The following ZNF804B variants were observed in gnomAD, a reference collection of about 807,000 sequenced individuals.
ZNF804B encodes zinc finger 804B.
A neutral mutation model predicts 101.4 loss-of-function variants in ZNF804B; 80 were observed. That is an observed-to-expected ratio of 0.79 (90% confidence interval 0.66 to 0.95). The LOEUF (loss-of-function observed/expected upper bound fraction) is 0.95, where lower values mean the gene tolerates loss of function less well. Among genes scored for constraint, ZNF804B ranks in the 40% least tolerant of loss-of-function variants. The pLI is 0.00. For missense variants in ZNF804B, 1,673 were observed against 1,561.9 expected (o/e 1.07, Z -1.20); for synonymous variants, 622 against 558.8 (o/e 1.11, Z -1.59).
chr7:89,261,716 T>G (rs1204240416), intron 2 of ZNF804B, among the ~76,000 whole-genome samples: 1 of 152,212 alleles, frequency 6.6e-6, no homozygotes, highest in Non-Finnish European at 1.5e-5. Flanking sequence ...CACTGAATAT[T>G]GCAGGCAATT....
chr7:89,265,308 G>GCGCGTGCGCA (rs1309965876), intron 2 of ZNF804B, among the ~76,000 whole-genome samples: 2 of 143,668 alleles, frequency 1.4e-5, no homozygotes, highest in South Asian at 2.2e-4. Flanking sequence ...GTGCGCGCGC[G>GCGCGTGCGCA]CACACATGCA....
In ZNF804B at chr7:89,334,093, A is replaced by C; in HGVS notation, c.1111A>C (p.Asn371His). ...CQANASFSPP[N>H]IYNHSDARIS... ...AGCAAATGCTTCCTTCAGCCCACCA[A>C]ACATTTACAACCATAGTGATGCCAG... Residue 371 changes from asparagine to histidine, a missense_variant, in exon 4 of 4, where the codon AAC (asparagine) becomes CAC (histidine). Transcript: ENST00000333190. 1 of 1,613,718 alleles carries C rather than the reference A, an allele frequency of 6.2e-7. No individual in the cohort carries two copies. Among genetic ancestry groups the C allele is most frequent in the South Asian group, 1.1e-5 (1 of 91,074 alleles).
intron 1 of ZNF804B, among the ~76,000 whole-genome samples, chr7:89,170,805 G>A (rs919233367): frequency 1.6e-4 from 25 of 152,202 alleles, no homozygotes; most frequent in African/African-American, 6.0e-4. Flanking sequence ...GCCACCACCA[G>A]CAGCACACTG....
rs186032134 is a variant in ZNF804B, at chr7:89,173,184, C to A, written c.109-44971C>A. Among the ~76,000 whole-genome samples, 261 of 152,146 alleles carry A rather than the reference C, an allele frequency of 1.7e-3. 4 individuals carry two copies. Among genetic ancestry groups the A allele is most frequent in the African/African-American group, 5.9e-3 (246 of 41,542 alleles). On this transcript the variant is annotated intron_variant, in intron 1 of 3. Coordinates refer to ENST00000333190, the MANE Select transcript of ZNF804B (RefSeq NM_181646.5). ...CTATGTGAAACATGTGTCTGGCTCTCCTTATAAAGTTAGATTCAACATTAT... is the reference window on the plus strand; with the variant it reads ...CTATGTGAAACATGTGTCTGGCTCTACTTATAAAGTTAGATTCAACATTAT...
At chr7:89,061,478 C>T (rs955332544) in intron 1 of ZNF804B, among the ~76,000 whole-genome samples, 3 of 151,944 alleles carry the variant, frequency 2.0e-5, no homozygotes, top group Non-Finnish European at 2.9e-5. Flanking sequence ...ATTTCAACTA[C>T]CACCTACGCA....
At chr7:89,216,910 G>C (rs2115693501) in intron 1 of ZNF804B, among the ~76,000 whole-genome samples, 1 of 152,250 alleles carries the variant, frequency 6.6e-6, no homozygotes, top group African/African-American at 2.4e-5. Context: ...ATATTTACTT[G>C]GTATTCTCAA....
chr7:89,128,446 A>T (rs931373258), intron 1 of ZNF804B, among the ~76,000 whole-genome samples: 1 of 152,012 alleles, frequency 6.6e-6, no homozygotes, highest in Non-Finnish European at 1.5e-5. Flanking sequence ...TTTGAAAAGT[A>T]TGTGAGAATG....
chr7:89,300,556 G>A (rs943603513), intron 2 of ZNF804B, among the ~76,000 whole-genome samples: 1 of 151,840 alleles, frequency 6.6e-6, no homozygotes, highest in Admixed American at 6.6e-5. Context: ...AATATGAGTG[G>A]TCTAGAAAGG....
At chr7:89,252,269 A>T (rs1789553690) in intron 2 of ZNF804B, among the ~76,000 whole-genome samples, 1 of 152,216 alleles carries the variant, frequency 6.6e-6, no homozygotes, top group Non-Finnish European at 1.5e-5. Flanking sequence ...AATTCCCAAA[A>T]GAAGATTTAT....
chr7:89,327,707 A>G (rs1790917480), intron 3 of ZNF804B, among the ~76,000 whole-genome samples: 1 of 152,048 alleles, frequency 6.6e-6, no homozygotes, highest in Admixed American at 6.6e-5. Flanking sequence ...GAATGATTCA[A>G]ATACATTAGC....
intron 1 of ZNF804B, among the ~76,000 whole-genome samples, chr7:89,015,737 T>C (rs1430133029): frequency 1.3e-5 from 2 of 152,176 alleles, no homozygotes; most frequent in Non-Finnish European, 2.9e-5. Flanking sequence ...AGTCTATCAT[T>C]GTTGGACATT....
intron 2 of ZNF804B, among the ~76,000 whole-genome samples, chr7:89,220,999 A>C (rs1394878233): frequency 6.6e-6 from 1 of 151,882 alleles, no homozygotes; most frequent in Non-Finnish European, 1.5e-5. Context: ...CATGGCAAGA[A>C]TATATTAGAG....
chr7:89,124,523 A>G (rs1023219861), intron 1 of ZNF804B, among the ~76,000 whole-genome samples: 3 of 152,164 alleles, frequency 2.0e-5, no homozygotes, highest in Non-Finnish European at 2.9e-5. Flanking sequence ...CACTTCAGGT[A>G]TGTAATATTT....
chr7:88,927,933 C>T (rs1792830643), intron 1 of ZNF804B, among the ~76,000 whole-genome samples: 2 of 152,166 alleles, frequency 1.3e-5, no homozygotes, highest in Admixed American at 6.6e-5. Flanking sequence ...TAGGAGCCTG[C>T]ATTTTCTGTC....
chr7:88,904,177 C>A (rs1341826038), intron 1 of ZNF804B, among the ~76,000 whole-genome samples: 9 of 152,168 alleles, frequency 5.9e-5, no homozygotes, highest in Non-Finnish European at 1.3e-4. Flanking sequence ...TTTGGCTAGT[C>A]AGGTATCCCA....
chr7:89,252,290 C>A (rs2115790942), intron 2 of ZNF804B, among the ~76,000 whole-genome samples: 1 of 152,056 alleles, frequency 6.6e-6, no homozygotes, highest in Admixed American at 6.6e-5. Flanking sequence ...AAGCAGCCAG[C>A]AAACATATGA....
chr7:89,272,632 A>T (rs1789915819), intron 2 of ZNF804B, among the ~76,000 whole-genome samples: 1 of 152,042 alleles, frequency 6.6e-6, no homozygotes, highest in African/African-American at 2.4e-5. Context: ...CTACCCCTTT[A>T]TGTTCCTGTC....
chr7:89,124,045 C>T (rs1790443608), intron 1 of ZNF804B, among the ~76,000 whole-genome samples: 2 of 152,058 alleles, frequency 1.3e-5, no homozygotes, highest in Non-Finnish European at 2.9e-5. Flanking sequence ...TGAATTGTGC[C>T]ATAACTCTTG....
At chr7:89,027,713 A>G (rs749674904) in intron 1 of ZNF804B, among the ~76,000 whole-genome samples, 4 of 152,160 alleles carry the variant, frequency 2.6e-5, no homozygotes, top group Non-Finnish European at 5.9e-5. Context: ...AGGTCATGAA[A>G]GCTCTTCTCA....
Sources: gnomAD v4.1 joint callset for allele counts (sites outside exome capture counted in the v4.1 genomes callset) on GRCh38, gnomAD v4.1.1 for gene constraint, MANE v1.5 for transcripts, NCBI Gene and HGNC (gene_info 2026-07-23, HGNC 2026-07-21) for gene names.